The following DSCAM variants were observed in gnomAD, a reference collection of about 807,000 sequenced individuals.
DSCAM encodes the protein DS cell adhesion molecule, also known as cell adhesion molecule DSCAM.
A neutral mutation model predicts 217.7 loss-of-function variants in DSCAM; 47 were observed. That is an observed-to-expected ratio of 0.22 (90% confidence interval 0.17 to 0.28). DSCAM has a LOEUF of 0.28. Among genes scored for constraint, DSCAM ranks in the 10% least tolerant of loss-of-function variants. DSCAM has a pLI of 1.00. For synonymous variants in DSCAM, 1,056 were observed against 1,015.3 expected, an observed-to-expected ratio of 1.04 and a Z score of -0.76; for missense variants, 2,080 against 2,618.3, an observed-to-expected ratio of 0.79 and a Z score of 4.49.
At chr21:40,586,299 A>C (rs2076946668) in intron 3 of DSCAM, among the ~76,000 whole-genome samples, 1 of 152,210 alleles carries the variant, frequency 6.6e-6, no homozygotes, top group Admixed American at 6.5e-5. Flanking sequence ...CAGAACCATA[A>C]GCCAAATGAA....
intron 16 of DSCAM, among the ~76,000 whole-genome samples, chr21:40,155,961 T>A (rs1182364507): frequency 6.6e-6 from 1 of 151,146 alleles, no homozygotes; most frequent in East Asian, 1.9e-4. Context: ...AAGCCAGGAG[T>A]CGCCCCAGCC....
chr21:40,395,920 C>T (rs748688747), intron 3 of DSCAM, among the ~76,000 whole-genome samples: 4 of 152,128 alleles, frequency 2.6e-5, no homozygotes, highest in Non-Finnish European at 5.9e-5. Flanking sequence ...GCCCTCACAG[C>T]CCATCAGCCA....
chr21:40,429,409 G>A (rs1184321340), intron 3 of DSCAM, among the ~76,000 whole-genome samples: 2 of 152,004 alleles, frequency 1.3e-5, no homozygotes, highest in Non-Finnish European at 2.9e-5. Context: ...TGGGGTTATA[G>A]GCATGCACCA....
At chr21:40,321,523 T>G (rs1216715630) in intron 8 of DSCAM, among the ~76,000 whole-genome samples, 2 of 152,162 alleles carry the variant, frequency 1.3e-5, no homozygotes, top group Admixed American at 6.5e-5. Context: ...ACTCCAATTC[T>G]CAACATGTCT....
intron 19 of DSCAM, among the ~76,000 whole-genome samples, chr21:40,125,422 T>C (rs11701674): frequency 0.063 from 9,535 of 152,266 alleles, 328 homozygotes; most frequent in Non-Finnish European, 0.079. Flanking sequence ...GGCAACCACA[T>C]TGATGGAGAC....
chr21:40,446,675 T>C (rs992971953), intron 3 of DSCAM, among the ~76,000 whole-genome samples: 1 of 152,176 alleles, frequency 6.6e-6, no homozygotes, highest in African/African-American at 2.4e-5. Context: ...CATTTAAGAA[T>C]CACTCTCAGC....
intron 3 of DSCAM, among the ~76,000 whole-genome samples, chr21:40,481,367 G>C (rs2075980849): frequency 6.6e-6 from 1 of 151,932 alleles, no homozygotes; most frequent in African/African-American, 2.4e-5. Context: ...GCGGGTGCCT[G>C]TAGTCCCAGC....
chr21:40,437,202 A>G (rs1350003485), intron 3 of DSCAM, among the ~76,000 whole-genome samples: 1 of 152,178 alleles, frequency 6.6e-6, no homozygotes, highest in Non-Finnish European at 1.5e-5. Flanking sequence ...AGGGGTGTAG[A>G]CAGGCTCTGT....
intron 11 of DSCAM, among the ~76,000 whole-genome samples, chr21:40,226,796 G>A (rs1475210207): frequency 6.6e-6 from 1 of 151,962 alleles, no homozygotes; most frequent in East Asian, 1.9e-4. Context: ...CATTTATTAT[G>A]CAGGTAAACT....
intron 3 of DSCAM, among the ~76,000 whole-genome samples, chr21:40,506,392 G>A (rs1363390247): frequency 6.6e-6 from 1 of 152,180 alleles, no homozygotes; most frequent in Non-Finnish European, 1.5e-5. Context: ...TGGGAGCCCC[G>A]GACTCACTGA....
At chr21:40,355,710 G>A (rs2074684478) in intron 4 of DSCAM, among the ~76,000 whole-genome samples, 1 of 152,158 alleles carries the variant, frequency 6.6e-6, no homozygotes, top group South Asian at 2.1e-4. Flanking sequence ...GCCTCAGTGA[G>A]AAAAATGCCA....
rs376803345 is a variant in DSCAM, at chr21:40,232,124, C to T, written c.2357-42886G>A. On this transcript the variant is annotated intron_variant, in intron 11 of 32. Coordinates refer to ENST00000400454, the MANE Select transcript of DSCAM (RefSeq NM_001389.5). ...TGCATGTTTACAGAATGGAATTCCA[C>T]TACTTCTGCATTGGCAGACCTAGAA... 5.9e-5 allele frequency among the ~76,000 whole-genome samples: 9 copies of T among 152,292 alleles called. No homozygotes were observed. The East Asian group carries it at 1.2e-3, about 20-fold the overall frequency.
Position 40,740,059 on chromosome 21 carries a change from A to G in DSCAM, c.44-31288T>C, listed in dbSNP as rs58149080. ...CCTGGGAACATGTGACAACACCTGT[A>G]TGTGGGCAGAGGAAATGCCTGGAGC... On this transcript the variant is annotated intron_variant, in intron 1 of 32. Transcript: ENST00000400454. Among the ~76,000 whole-genome samples, 33 of 138,978 alleles carry G rather than the reference A, an allele frequency of 2.4e-4. 1 individual carries two copies. The East Asian group carries it at 7.3e-3, about 31-fold the overall frequency. 91.2% of individuals were successfully genotyped at this position (138,978 alleles called of 152,430 possible).
At chr21:40,584,062 A>C (rs1295222528) in intron 3 of DSCAM, among the ~76,000 whole-genome samples, 1 of 152,162 alleles carries the variant, frequency 6.6e-6, no homozygotes, top group African/African-American at 2.4e-5. Context: ...GTAGGGGAAA[A>C]CAATTCTGTA....
chr21:40,336,269 C>T (rs916863548), intron 8 of DSCAM, among the ~76,000 whole-genome samples: 1 of 152,106 alleles, frequency 6.6e-6, no homozygotes, highest in Non-Finnish European at 1.5e-5. Context: ...GCGGTCTTTT[C>T]TATTTGTCAA....
intron 3 of DSCAM, among the ~76,000 whole-genome samples, chr21:40,372,657 C>T (rs950164095): frequency 6.6e-6 from 1 of 152,196 alleles, no homozygotes; most frequent in Non-Finnish European, 1.5e-5. Flanking sequence ...TCTTTATTAG[C>T]TTTTCTGCTT....
intron 3 of DSCAM, among the ~76,000 whole-genome samples, chr21:40,475,762 C>A (rs908278935): frequency 1.3e-5 from 2 of 151,958 alleles, no homozygotes; most frequent in African/African-American, 4.8e-5. Flanking sequence ...ACCTGGGAGG[C>A]GGAGGTTGCA....
chr21:40,780,423 G>GTGTGTGTGTATATATATA (rs1007015659), intron 1 of DSCAM, among the ~76,000 whole-genome samples: 2 of 56,416 alleles, frequency 3.5e-5, no homozygotes, highest in Non-Finnish European at 6.6e-5. Context: ...GTGTGTGTGT[G>GTGTGTGTGTATATATATA]TATATATATA....
chr21:40,319,207 T>G (rs970047739), intron 8 of DSCAM, among the ~76,000 whole-genome samples: 22 of 152,182 alleles, frequency 1.4e-4, no homozygotes, highest in African/African-American at 5.3e-4. Context: ...TAAGGTGTAC[T>G]CAAATGAGAA....
Sources: gnomAD v4.1 joint callset for allele counts (sites outside exome capture counted in the v4.1 genomes callset) on GRCh38, gnomAD v4.1.1 for gene constraint, MANE v1.5 for transcripts, NCBI Gene and HGNC (gene_info 2026-07-23, HGNC 2026-07-21) for gene names.